The following ROBO2 variants were observed in gnomAD, a reference collection of about 807,000 sequenced individuals.
ROBO2 encodes roundabout guidance receptor 2.
ROBO2 carries 53 observed loss-of-function variants against 160.8 expected under a neutral mutation model. That is an observed-to-expected ratio of 0.33 (90% CI 0.26 to 0.41). The LOEUF is 0.41. Among genes scored for constraint, ROBO2 ranks in the 10% least tolerant of loss-of-function variants. The pLI is 1.00. For synonymous variants in ROBO2, 664 were observed against 611.7 expected, an observed-to-expected ratio of 1.09 and a Z score of -1.26; for missense variants, 1,577 against 1,722.4, an observed-to-expected ratio of 0.92 and a Z score of 1.49.
chr3:77,155,688 C>G (rs530784108), intron 2 of ROBO2, among the ~76,000 whole-genome samples: 173 of 152,144 alleles, frequency 1.1e-3, no homozygotes, highest in South Asian at 6.0e-3. Context: ...CACAGCTACT[C>G]TGTTCTGGAT....
At chr3:76,770,590 C>T (rs568206954) in intron 2 of ROBO2, among the ~76,000 whole-genome samples, 7 of 151,284 alleles carry the variant, frequency 4.6e-5, no homozygotes, top group African/African-American at 1.7e-4. Context: ...CACCCTTACA[C>T]CCAACATACA....
At chr3:76,384,724 G>A (rs1424011425) in intron 2 of ROBO2, among the ~76,000 whole-genome samples, 3 of 152,082 alleles carry the variant, frequency 2.0e-5, no homozygotes, top group African/African-American at 7.2e-5. Flanking sequence ...GAGGAGAGGG[G>A]AAAAGCCCCT....
chr3:76,910,728 A>G (rs2148928179), intron 2 of ROBO2, among the ~76,000 whole-genome samples: 1 of 132,054 alleles, frequency 7.6e-6, no homozygotes, highest in East Asian at 2.2e-4. Context: ...TCTGTCTCAA[A>G]AAAAAAAAAA....
At chr3:77,234,262 A>G (rs1365711076) in intron 2 of ROBO2, among the ~76,000 whole-genome samples, 1 of 152,116 alleles carries the variant, frequency 6.6e-6, no homozygotes, top group African/African-American at 2.4e-5. Flanking sequence ...CCCATCTCCC[A>G]CGCCTGCCCT....
chr3:77,118,100 G>A (rs2074382982), intron 2 of ROBO2, among the ~76,000 whole-genome samples: 1 of 152,154 alleles, frequency 6.6e-6, no homozygotes, highest in Non-Finnish European at 1.5e-5. Flanking sequence ...ACAGGTTATT[G>A]TGGGCCATTA....
chr3:76,343,491 G>A (rs183071778), intron 2 of ROBO2, among the ~76,000 whole-genome samples: 147 of 151,946 alleles, frequency 9.7e-4, no homozygotes, highest in African/African-American at 3.5e-3. Flanking sequence ...AGAACTTATC[G>A]AATATAACCT....
chr3:76,067,293 C>T (rs900380768), intron 2 of ROBO2, among the ~76,000 whole-genome samples: 3 of 152,110 alleles, frequency 2.0e-5, no homozygotes, highest in Admixed American at 6.5e-5. Flanking sequence ...ATATCAAGAT[C>T]AAAGGAGGAC....
chr3:76,778,940 G>A (rs867633669), intron 2 of ROBO2, among the ~76,000 whole-genome samples: 8 of 151,024 alleles, frequency 5.3e-5, no homozygotes, highest in African/African-American at 1.9e-4. Flanking sequence ...ATATTATTTA[G>A]TACTCACACA....
At chr3:77,557,885 T>C in intron 8 of ROBO2, 59 bp from the exon 10 acceptor site, 4 of 1,350,496 alleles carry the variant, frequency 3.0e-6, no homozygotes, top group Non-Finnish European at 4.2e-6. Context: ...AGTGTCAATA[T>C]ATCAAGCCTA....
intron 2 of ROBO2, among the ~76,000 whole-genome samples, chr3:76,907,539 A>C (rs2075685822): frequency 1.3e-5 from 2 of 152,052 alleles, no homozygotes; most frequent in South Asian, 2.1e-4. Flanking sequence ...TATGTAACCA[A>C]GCTTATTGGA....
At chr3:76,603,342 A>AT (rs2087337112) in intron 2 of ROBO2, among the ~76,000 whole-genome samples, 103 of 69,180 alleles carry the variant, frequency 1.5e-3, no homozygotes, top group Non-Finnish European at 2.3e-3. Context: ...CAAAAAAAAA[A>AT]AAAAAAAAAA....
chr3:77,354,950 CA>C (rs2068853004), intron 2 of ROBO2, among the ~76,000 whole-genome samples: 1 of 152,174 alleles, frequency 6.6e-6, no homozygotes, highest in African/African-American at 2.4e-5. Flanking sequence ...TTTGTTAAGT[CA>C]AGTTTGTTGA....
intron 2 of ROBO2, among the ~76,000 whole-genome samples, chr3:76,897,898 A>G (rs1577333893): frequency 1.3e-5 from 2 of 152,282 alleles, no homozygotes; most frequent in Non-Finnish European, 2.9e-5. Flanking sequence ...ATGATCAACA[A>G]CAAAAACTGT....
At chr3:76,724,888 G>T (rs577781413) in intron 2 of ROBO2, among the ~76,000 whole-genome samples, 44 of 152,196 alleles carry the variant, frequency 2.9e-4, no homozygotes, top group African/African-American at 1.1e-3. Context: ...TTCCATAGGC[G>T]CAGAAAAGAA....
intron 2 of ROBO2, among the ~76,000 whole-genome samples, chr3:77,284,382 G>A (rs536126894): frequency 1.6e-4 from 25 of 152,226 alleles, no homozygotes; most frequent in Admixed American, 1.3e-4. Context: ...CTACCCAGAT[G>A]TCCCTGCGTG....
At chr3:76,712,214 C>A (rs191655697) in intron 2 of ROBO2, among the ~76,000 whole-genome samples, 1 of 152,156 alleles carries the variant, frequency 6.6e-6, no homozygotes, top group African/African-American at 2.4e-5. Context: ...TTGCAGAAAG[C>A]AAATCAATAG....
intron 1 of ROBO2, among the ~76,000 whole-genome samples, chr3:75,911,603 G>A (rs1372095613): frequency 1.6e-5 from 2 of 126,146 alleles, no homozygotes; most frequent in Admixed American, 9.7e-5. Flanking sequence ...TGTCGCCCAG[G>A]CTGGAGTGCA....
chr3:77,562,100 T>A (rs1211353513), intron 9 of ROBO2, among the ~76,000 whole-genome samples: 1 of 152,038 alleles, frequency 6.6e-6, no homozygotes, highest in African/African-American at 2.4e-5. Context: ...CAAAACTCTG[T>A]CTCGGGGTAA....
chr3:77,373,143 AATT>A (rs981447891), intron 2 of ROBO2, among the ~76,000 whole-genome samples: 8 of 147,230 alleles, frequency 5.4e-5, no homozygotes, highest in Non-Finnish European at 1.1e-4. Context: ...TTATTATAAA[AATT>A]ATTATAAAAT....
Sources: gnomAD v4.1 joint callset for allele counts (sites outside exome capture counted in the v4.1 genomes callset) on GRCh38, gnomAD v4.1.1 for gene constraint, MANE v1.5 for transcripts, NCBI Gene and HGNC (gene_info 2026-07-23, HGNC 2026-07-21) for gene names.